The following EFCAB6 variants were observed in gnomAD, a reference collection of about 807,000 sequenced individuals.
The protein encoded by EFCAB6 is EF-hand calcium binding domain 6.
In EFCAB6, 156 loss-of-function variants were observed where a neutral mutation model predicts 169.8. The ratio of observed to expected loss-of-function variants is 0.92; its 90% CI spans 0.81 to 1.05. EFCAB6 has a LOEUF of 1.05. EFCAB6 is among the 50% of genes least tolerant of loss of function. The pLI, the probability that EFCAB6 is intolerant of heterozygous loss-of-function variation, is 0.00. For missense variants in EFCAB6, 1,800 were observed against 1,829.1 expected, an observed-to-expected ratio of 0.98 and a Z score of 0.29; for synonymous variants, 698 against 676.4, an observed-to-expected ratio of 1.03 and a Z score of -0.50.
At chr22:43,601,571 G>A (rs1048087420) in intron 22 of EFCAB6, among the ~76,000 whole-genome samples, 2 of 152,196 alleles carry the variant, frequency 1.3e-5, no homozygotes, top group Non-Finnish European at 2.9e-5. Context: ...TGCTCTGCTC[G>A]TTAACTGATG....
intron 26 of EFCAB6, among the ~76,000 whole-genome samples, chr22:43,567,302 A>T (rs1300587286): frequency 6.6e-6 from 1 of 152,194 alleles, no homozygotes; most frequent in East Asian, 1.9e-4. Context: ...ATAAAAGGGA[A>T]ACATTTATGC....
intron 22 of EFCAB6, among the ~76,000 whole-genome samples, chr22:43,604,132 C>T (rs762932): frequency 0.23 from 35,099 of 152,106 alleles, 5,276 homozygotes; most frequent in East Asian, 0.62. Context: ...GCCAGCATCA[C>T]ACTTCCTGTA....
intron 25 of EFCAB6, among the ~76,000 whole-genome samples, chr22:43,578,668 G>A (rs1044449657): frequency 2.7e-5 from 4 of 149,538 alleles, no homozygotes; most frequent in South Asian, 2.1e-4. Context: ...CCCTACACGC[G>A]GTCATCATTC....
At chr22:43,663,736 G>A (rs1442632965) in intron 17 of EFCAB6, among the ~76,000 whole-genome samples, 1 of 152,182 alleles carries the variant, frequency 6.6e-6, no homozygotes, top group Non-Finnish European at 1.5e-5. Flanking sequence ...AACTTCCAAT[G>A]TGAATGGGAT....
intron 12 of EFCAB6, among the ~76,000 whole-genome samples, chr22:43,679,419 G>C (rs574753157): frequency 6.6e-6 from 1 of 152,250 alleles, no homozygotes; most frequent in South Asian, 2.1e-4. Flanking sequence ...TTTCCAGTTT[G>C]GAAATTGTGA....
intron 11 of EFCAB6, 97 bp from the exon 12 acceptor site, chr22:43,683,952 T>G: frequency 6.9e-6 from 6 of 873,852 alleles, no homozygotes; most frequent in Non-Finnish European, 1.1e-5. Context: ...CACAATACAG[T>G]AGAGCTTTCT....
chr22:43,533,017 T>G (rs2047173744), intron 30 of EFCAB6, among the ~76,000 whole-genome samples: 1 of 152,238 alleles, frequency 6.6e-6, no homozygotes, highest in Non-Finnish European at 1.5e-5. Flanking sequence ...TTTGGCTTCA[T>G]GTTTTGGAAG....
chr22:43,737,756 C>T (rs1322876435), intron 6 of EFCAB6, among the ~76,000 whole-genome samples: 1 of 151,658 alleles, frequency 6.6e-6, no homozygotes, highest in Non-Finnish European at 1.5e-5. Flanking sequence ...CAGATACAGG[C>T]ATACACACCA....
intron 19 of EFCAB6, among the ~76,000 whole-genome samples, chr22:43,630,567 C>G (rs2054868144): frequency 6.6e-6 from 1 of 152,206 alleles, no homozygotes; most frequent in Non-Finnish European, 1.5e-5. Flanking sequence ...AGGGAGGGGC[C>G]TGCATTGCAA....
chr22:43,688,564 C>T (rs2058287606), intron 10 of EFCAB6, among the ~76,000 whole-genome samples: 1 of 152,346 alleles, frequency 6.6e-6, no homozygotes, highest in South Asian at 2.1e-4. Context: ...TGCTCCTGCA[C>T]TTCCTACTGA....
chr22:43,599,371 G>C (rs1376608842), intron 23 of EFCAB6, among the ~76,000 whole-genome samples: 5 of 151,780 alleles, frequency 3.3e-5, no homozygotes, highest in South Asian at 2.1e-4. Context: ...TTAGCTGGTC[G>C]TGGTGGCGTG....
Position 43,668,966 on chromosome 22 carries a change from G to A in EFCAB6, c.1720C>T (p.Pro574Ser), listed in dbSNP as rs2057373953. ...KLLACIGIDG[P>S]PTVSPVLVPK... Reference sequence around the variant, plus strand: ...ACAAGAACTGGAGAGACAGTGGGTGGGCCATCAATTCCTATGCATGCCAAA... The same window carrying A: ...ACAAGAACTGGAGAGACAGTGGGTGAGCCATCAATTCCTATGCATGCCAAA... Residue 574 changes from proline to serine, a missense_variant, in exon 16 of 32, where the codon CCA (proline) becomes TCA (serine). By Grantham distance (74) the Pro-to-Ser change is moderately conservative. Transcript: ENST00000262726. 1 of 1,613,150 alleles carries A rather than the reference G, an allele frequency of 6.2e-7. No individual in the cohort carries two copies. Among genetic ancestry groups the A allele is most frequent in the East Asian group, 2.2e-5 (1 of 44,842 alleles).
intron 18 of EFCAB6, 56 bp from the exon 19 acceptor site, chr22:43,632,294 CTTTTTTTTT>C (rs200314912): frequency 1.6e-3 from 1,791 of 1,127,438 alleles, no homozygotes; most frequent in East Asian, 5.7e-3. Flanking sequence ...TTCATTCCTT[CTTTTTTTTT>C]TTTTTTTTTT....
At chr22:43,793,527 T>C (rs571187451) in intron 2 of EFCAB6, among the ~76,000 whole-genome samples, 1 of 152,258 alleles carries the variant, frequency 6.6e-6, no homozygotes, top group South Asian at 2.1e-4. Flanking sequence ...GAGAAAGAAA[T>C]ATAACCCACC....
chr22:43,748,307 A>T (rs1756698440), intron 6 of EFCAB6, among the ~76,000 whole-genome samples: 1 of 152,212 alleles, frequency 6.6e-6, no homozygotes, highest in South Asian at 2.1e-4. Context: ...CTTTTCCGCC[A>T]GTCTACCTTT....
chr22:43,657,744 A>G (rs940175407), intron 17 of EFCAB6, among the ~76,000 whole-genome samples: 4 of 152,216 alleles, frequency 2.6e-5, no homozygotes, highest in Non-Finnish European at 5.9e-5. Flanking sequence ...AAAATAATCA[A>G]TATAACAGCA....
intron 11 of EFCAB6, 29 bp downstream of exon 11, chr22:43,687,442 A>G: frequency 9.1e-7 from 1 of 1,096,158 alleles, no homozygotes. Context: ...GTGTAACTAA[A>G]ATTTGTTTTT....
chr22:43,534,619 T>G, intron 30 of EFCAB6, 69 bp downstream of exon 30: 4 of 1,439,710 alleles, frequency 2.8e-6, no homozygotes, highest in Non-Finnish European at 3.7e-6. Context: ...AGACCCTGTC[T>G]TGAAAAAAAT....
chr22:43,549,670 A>C (rs1205887909), intron 27 of EFCAB6, among the ~76,000 whole-genome samples: 2 of 152,248 alleles, frequency 1.3e-5, no homozygotes, highest in Non-Finnish European at 2.9e-5. Context: ...GGGATTAACT[A>C]AAAATGCCAT....
Sources: gnomAD v4.1 joint callset for allele counts (sites outside exome capture counted in the v4.1 genomes callset) on GRCh38, gnomAD v4.1.1 for gene constraint, MANE v1.5 for transcripts, NCBI Gene and HGNC (gene_info 2026-07-23, HGNC 2026-07-21) for gene names.